MYO16: variants seen among roughly 807,000 people sequenced by gnomAD.
MYO16 encodes the protein myosin XVI.
A neutral mutation model predicts 205.3 loss-of-function variants in MYO16; 94 were observed. The observed-to-expected ratio is 0.46, with a 90% CI of 0.39 to 0.54. The LOEUF is 0.54. MYO16 is among the 20% of genes least tolerant of loss of function. The probability of loss-of-function intolerance (pLI) is 0.00; values close to 1 mark genes in which losing one functional copy is unlikely to be tolerated. For synonymous variants in MYO16, 988 were observed against 954.0 expected (o/e 1.04, Z -0.66); for missense variants, 2,315 against 2,387.5 (o/e 0.97, Z 0.63).
chr13:108,658,770 C>T (rs902196913), intron 1 of MYO16, among the ~76,000 whole-genome samples: 1 of 151,950 alleles, frequency 6.6e-6, no homozygotes, highest in Non-Finnish European at 1.5e-5. Flanking sequence ...ATTTTGGTTC[C>T]TCAGAATTTA....
At chr13:108,716,677 G>A (rs147479064) in intron 3 of MYO16, among the ~76,000 whole-genome samples, 38 of 152,290 alleles carry the variant, frequency 2.5e-4, no homozygotes, top group Admixed American at 3.3e-4. Flanking sequence ...CCACATTACA[G>A]AGCCTGATGC....
intron 4 of MYO16, among the ~76,000 whole-genome samples, chr13:108,752,467 G>A (rs1017039028): frequency 6.6e-6 from 1 of 152,064 alleles, no homozygotes; most frequent in South Asian, 2.1e-4. Flanking sequence ...TAAAATTCCC[G>A]GGATAACTCT....
chr13:108,667,202 C>A (rs1209409376), intron 2 of MYO16, among the ~76,000 whole-genome samples: 1 of 152,062 alleles, frequency 6.6e-6, no homozygotes, highest in East Asian at 1.9e-4. Flanking sequence ...CTAAGAAAAC[C>A]TATAGCACAT....
At chr13:108,634,864 A>C (rs1483544474) in intron 1 of MYO16, among the ~76,000 whole-genome samples, 1 of 152,100 alleles carries the variant, frequency 6.6e-6, no homozygotes, top group Non-Finnish European at 1.5e-5. Flanking sequence ...CATGGCTTTA[A>C]GCATCATCTA....
chr13:108,596,492 A>G (rs1338073297), intron 1 of MYO16, among the ~76,000 whole-genome samples: 3 of 152,196 alleles, frequency 2.0e-5, no homozygotes, highest in South Asian at 2.1e-4. Context: ...AAAAAAGTCC[A>G]AATTCTGAAA....
the MYO16 span, among the ~76,000 whole-genome samples, chr13:108,588,625 A>T: frequency 6.6e-6 from 1 of 152,248 alleles, no homozygotes; most frequent in South Asian, 2.1e-4. Context: ...CCCTTTCAGA[A>T]CTTAGGTGGG....
intron 28 of MYO16, among the ~76,000 whole-genome samples, chr13:109,115,140 C>T (rs911685191): frequency 2.7e-5 from 4 of 147,708 alleles, no homozygotes; most frequent in Non-Finnish European, 4.4e-5. Flanking sequence ...AAGTGCTCTA[C>T]AGGTTCCCTT....
intron 31 of MYO16, among the ~76,000 whole-genome samples, chr13:109,131,512 C>G (rs897220507): frequency 6.6e-6 from 1 of 152,156 alleles, no homozygotes; most frequent in African/African-American, 2.4e-5. Flanking sequence ...AAACTACCAG[C>G]AAGCTAGAGA....
chr13:108,851,763 A>G (rs1172760763), intron 10 of MYO16, among the ~76,000 whole-genome samples: 1 of 151,702 alleles, frequency 6.6e-6, no homozygotes, highest in African/African-American at 2.4e-5. Flanking sequence ...TGGTCTCACC[A>G]CTCCCGCCTT....
At chr13:108,903,094 C>G (rs986747422) in intron 15 of MYO16, among the ~76,000 whole-genome samples, 1 of 152,102 alleles carries the variant, frequency 6.6e-6, no homozygotes, top group Non-Finnish European at 1.5e-5. Context: ...GGCTTGTGTT[C>G]AAGTAACTCT....
chr13:108,530,105 C>T, the MYO16 span, among the ~76,000 whole-genome samples: 1 of 152,190 alleles, frequency 6.6e-6, no homozygotes, highest in Non-Finnish European at 1.5e-5. Flanking sequence ...CTCTGCATTT[C>T]CTGCTGCTCA....
intron 32 of MYO16, among the ~76,000 whole-genome samples, chr13:109,147,113 C>T (rs953659133): frequency 4.0e-5 from 6 of 151,690 alleles, no homozygotes; most frequent in African/African-American, 1.5e-4. Context: ...AGCATTCCAC[C>T]AAGCAATGTG....
chr13:109,042,433 T>C (rs1460193145), intron 23 of MYO16, among the ~76,000 whole-genome samples: 4 of 152,136 alleles, frequency 2.6e-5, no homozygotes, highest in Admixed American at 2.0e-4. Context: ...CCATGTCATT[T>C]CTCTTCACAA....
intron 13 of MYO16, 130 bp downstream of exon 13, chr13:108,883,316 A>G (rs745715873): frequency 1.7e-6 from 2 of 1,174,988 alleles, no homozygotes; most frequent in Non-Finnish European, 2.3e-6. Flanking sequence ...TATCTTTGCA[A>G]TAAGTACATT....
At chr13:109,020,291 A>G (rs1234197033) in intron 23 of MYO16, among the ~76,000 whole-genome samples, 1 of 152,138 alleles carries the variant, frequency 6.6e-6, no homozygotes, top group African/African-American at 2.4e-5. Context: ...TTTTTTATTA[A>G]AGCATGTCAA....
intron 2 of MYO16, among the ~76,000 whole-genome samples, chr13:108,682,303 T>G (rs1355097434): frequency 6.6e-6 from 1 of 152,182 alleles, no homozygotes; most frequent in African/African-American, 2.4e-5. Flanking sequence ...ATACAGTGGT[T>G]CATTTTCTGC....
chr13:109,103,337 A>T (rs1372096268), intron 28 of MYO16, among the ~76,000 whole-genome samples: 1 of 152,176 alleles, frequency 6.6e-6, no homozygotes, highest in Non-Finnish European at 1.5e-5. Flanking sequence ...ACAAGGTTGT[A>T]TCGGATGGTT....
the MYO16 span, among the ~76,000 whole-genome samples, chr13:108,518,543 C>G: frequency 6.6e-6 from 1 of 152,120 alleles, no homozygotes; most frequent in African/African-American, 2.4e-5. Flanking sequence ...TAAAATATCC[C>G]ACTGGAAGCA....
chr13:109,124,890 T>C (rs1035519625), intron 29 of MYO16, among the ~76,000 whole-genome samples: 11 of 152,164 alleles, frequency 7.2e-5, no homozygotes, highest in Admixed American at 4.6e-4. Context: ...CCAAAAACAA[T>C]GTGGAGGCCT....
Sources: gnomAD v4.1 joint callset for allele counts (sites outside exome capture counted in the v4.1 genomes callset) on GRCh38, gnomAD v4.1.1 for gene constraint, MANE v1.5 for transcripts, NCBI Gene and HGNC (gene_info 2026-07-23, HGNC 2026-07-21) for gene names.